The following UTRN variants were observed in gnomAD, a reference collection of about 807,000 sequenced individuals.
UTRN encodes utrophin.
In UTRN, 283 loss-of-function variants were observed where a neutral mutation model predicts 463.9. That is an observed-to-expected ratio of 0.61 (90% CI 0.55 to 0.67). The LOEUF (loss-of-function observed/expected upper bound fraction) is 0.67, where lower values mean the gene tolerates loss of function less well. Among genes scored for constraint, UTRN ranks in the 30% least tolerant of loss-of-function variants. UTRN has a pLI of 0.00. For synonymous variants in UTRN, 1,442 were observed against 1,431.5 expected, an observed-to-expected ratio of 1.01 and a Z score of -0.17; for missense variants, 3,922 against 4,084.3, an observed-to-expected ratio of 0.96 and a Z score of 1.08.
chr6:144,298,273 T>C (rs1477454624), intron 2 of UTRN, among the ~76,000 whole-genome samples: 2 of 152,238 alleles, frequency 1.3e-5, no homozygotes, highest in Admixed American at 6.5e-5. Flanking sequence ...CTCGAGATGA[T>C]GGCTCTTGGA....
chr6:144,841,401 G>A (rs1313221834), intron 73 of UTRN, among the ~76,000 whole-genome samples: 6 of 152,128 alleles, frequency 3.9e-5, no homozygotes, highest in African/African-American at 7.2e-5. Flanking sequence ...ATCCTGTGAA[G>A]TTTCCATCTG....
intron 10 of UTRN, among the ~76,000 whole-genome samples, chr6:144,436,406 T>C (rs993855859): frequency 6.6e-6 from 1 of 152,200 alleles, no homozygotes; most frequent in Non-Finnish European, 1.5e-5. Flanking sequence ...ACTGCTCAGT[T>C]CTGAAGTGCA....
At chr6:144,295,968 A>AT (rs1804651261) in intron 2 of UTRN, among the ~76,000 whole-genome samples, 1 of 152,128 alleles carries the variant, frequency 6.6e-6, no homozygotes, top group African/African-American at 2.4e-5. Flanking sequence ...TGTAGGCCTA[A>AT]TGTCACCTCT....
chr6:144,580,880 T>C (rs1801907547), intron 51 of UTRN, among the ~76,000 whole-genome samples: 1 of 152,222 alleles, frequency 6.6e-6, no homozygotes, highest in South Asian at 2.1e-4. Context: ...AGGATACTCA[T>C]GTAGCCATCC....
At chr6:144,784,561 A>C (rs1193500614) in intron 61 of UTRN, among the ~76,000 whole-genome samples, 1 of 152,208 alleles carries the variant, frequency 6.6e-6, no homozygotes, top group Non-Finnish European at 1.5e-5. Flanking sequence ...ATACAGTCCC[A>C]TTCTGAGGTA....
At chr6:144,363,028 A>G (rs1242702425) in intron 2 of UTRN, among the ~76,000 whole-genome samples, 1 of 152,138 alleles carries the variant, frequency 6.6e-6, no homozygotes, top group Non-Finnish European at 1.5e-5. Context: ...ATGGTTTGCT[A>G]TTTGAAATAT....
intron 2 of UTRN, among the ~76,000 whole-genome samples, chr6:144,294,914 T>C (rs987623591): frequency 6.6e-6 from 1 of 152,242 alleles, no homozygotes; most frequent in Non-Finnish European, 1.5e-5. Flanking sequence ...TTTATGGTTG[T>C]AGTATACTTG....
At chr6:144,685,894 G>A (rs1782707177) in intron 52 of UTRN, among the ~76,000 whole-genome samples, 1 of 151,970 alleles carries the variant, frequency 6.6e-6, no homozygotes, top group Admixed American at 6.6e-5. Flanking sequence ...TTTAGTTTAA[G>A]TAGGTGCCAT....
chr6:144,775,219 C>T (rs553871791), intron 60 of UTRN, among the ~76,000 whole-genome samples: 36 of 152,256 alleles, frequency 2.4e-4, no homozygotes, highest in South Asian at 1.0e-3. Flanking sequence ...GAAAAATCTG[C>T]TCCTTGAAAG....
intron 1 of UTRN, among the ~76,000 whole-genome samples, chr6:144,290,752 CTTTTTTTTTTTTTTTTT>C (rs200477118): frequency 2.0e-5 from 2 of 99,136 alleles, no homozygotes; most frequent in Non-Finnish European, 3.9e-5. Context: ...CCACAATCGT[CTTTTTTTTTTTTTTTTT>C]TTTTTTTTTT....
intron 2 of UTRN, among the ~76,000 whole-genome samples, chr6:144,389,304 G>A (rs1029192350): frequency 6.6e-5 from 10 of 152,302 alleles, no homozygotes; most frequent in Middle Eastern, 3.4e-3. Flanking sequence ...TGAATAAAAC[G>A]GGAGGCGGGT....
At chr6:144,592,407 T>A (rs1374944915) in intron 51 of UTRN, among the ~76,000 whole-genome samples, 2 of 152,166 alleles carry the variant, frequency 1.3e-5, no homozygotes, top group Admixed American at 1.3e-4. Context: ...AGAGTCTTGC[T>A]GTCACCAGGC....
At chr6:144,732,699 T>A (rs1788862586) in intron 54 of UTRN, among the ~76,000 whole-genome samples, 1 of 151,652 alleles carries the variant, frequency 6.6e-6, no homozygotes, top group Admixed American at 6.6e-5. Flanking sequence ...TTATGTTATG[T>A]TATGTTATGT....
chr6:144,445,704 T>C (rs1216525604), intron 14 of UTRN, among the ~76,000 whole-genome samples: 1 of 152,152 alleles, frequency 6.6e-6, no homozygotes, highest in Non-Finnish European at 1.5e-5. Flanking sequence ...GTGAACCTTG[T>C]ATTTAGGCCA....
chr6:144,430,686 C>T (rs896713202), intron 9 of UTRN, among the ~76,000 whole-genome samples: 9 of 152,158 alleles, frequency 5.9e-5, no homozygotes, highest in Non-Finnish European at 1.2e-4. Flanking sequence ...AAACACTCAA[C>T]AAGCAACAGC....
rs114759651 is a variant in UTRN at position 144,730,318 on chromosome 6, G to A, written c.7810-39G>A. The A allele has an allele frequency of 2.0e-3, 3,040 of 1,532,992 alleles. 46 individuals carry two copies. In the African/African-American group the frequency reaches 0.036, roughly 18 times the overall value. 95.0% of individuals were successfully genotyped at this position (1,532,992 alleles called of 1,614,324 possible). A position where few individuals can be genotyped will look rare whatever the true frequency, so the allele number is the denominator to read the frequency against. ...AGATGTCCCATAATTTGGTGAACAC[G>A]TGAGGTTACAAACTCAACTTTTGCT... On this transcript the variant is annotated intron_variant, in intron 53 of 74. Coordinates refer to ENST00000367545, the MANE Select transcript of UTRN (RefSeq NM_007124.3).
At chr6:144,591,994 C>T (rs1187506695) in intron 51 of UTRN, among the ~76,000 whole-genome samples, 1 of 152,084 alleles carries the variant, frequency 6.6e-6, no homozygotes, top group Non-Finnish European at 1.5e-5. Context: ...ACCCTGGCAT[C>T]CTGCAGGCTA....
intron 34 of UTRN, among the ~76,000 whole-genome samples, chr6:144,509,980 A>G (rs1004873765): frequency 1.3e-5 from 2 of 152,080 alleles, no homozygotes; most frequent in East Asian, 3.8e-4. Context: ...CTTGCTAGAG[A>G]ATAATATTGG....
At chr6:144,355,831 G>A (rs9496943) in intron 2 of UTRN, among the ~76,000 whole-genome samples, 7,585 of 152,016 alleles carry the variant, frequency 0.05, 634 homozygotes, top group African/African-American at 0.17. Flanking sequence ...CTGATATCAG[G>A]ATTGTTATTA....
Sources: allele counts gnomAD v4.1 joint callset (sites outside exome capture counted in the v4.1 genomes callset), GRCh38; gene constraint gnomAD v4.1.1; transcripts MANE v1.5; gene names NCBI Gene and HGNC (gene_info 2026-07-23, HGNC 2026-07-21).